The following KCNIP4 variants were observed in gnomAD, a reference collection of about 807,000 sequenced individuals.
KCNIP4 encodes the protein Kv channel-interacting protein 4.
KCNIP4 carries 12 observed loss-of-function variants against 34.0 expected under a neutral mutation model. That is an observed-to-expected ratio of 0.35 (90% CI 0.23 to 0.57). The LOEUF is 0.57. Ranked by LOEUF, KCNIP4 falls within the 20% of genes least tolerant of loss-of-function variation. KCNIP4 has a pLI of 0.83. For synonymous variants in KCNIP4, 124 were observed against 102.2 expected (o/e 1.21, Z -1.29); for missense variants, 238 against 311.7 (o/e 0.76, Z 1.78).
At chr4:21,504,475 A>AAAAAAGAAAGAAAG (rs1264431211) in intron 1 of KCNIP4, among the ~76,000 whole-genome samples, 3 of 101,880 alleles carry the variant, frequency 2.9e-5, no homozygotes, top group Non-Finnish European at 3.9e-5. Flanking sequence ...CAAAAAAAAA[A>AAAAAAGAAAGAAAG]AAAGAAAGAA....
intron 1 of KCNIP4, among the ~76,000 whole-genome samples, chr4:21,329,610 A>G (rs962407758): frequency 6.6e-6 from 1 of 152,294 alleles, no homozygotes; most frequent in East Asian, 1.9e-4. Context: ...TGGAATTCAG[A>G]TAAGGAAAGC....
chr4:21,699,330 A>T (rs569240591), intron 1 of KCNIP4, among the ~76,000 whole-genome samples: 1 of 152,218 alleles, frequency 6.6e-6, no homozygotes, highest in Non-Finnish European at 1.5e-5. Flanking sequence ...GTGCTGGGAA[A>T]ACAGTGGTAA....
intron 1 of KCNIP4, among the ~76,000 whole-genome samples, chr4:20,935,637 A>G (rs1174104460): frequency 6.6e-6 from 1 of 152,206 alleles, no homozygotes; most frequent in Non-Finnish European, 1.5e-5. Context: ...AATATCCTAT[A>G]ATAACTCTCC....
intron 1 of KCNIP4, among the ~76,000 whole-genome samples, chr4:21,640,977 T>C (rs1201882079): frequency 6.6e-6 from 1 of 152,214 alleles, no homozygotes; most frequent in African/African-American, 2.4e-5. Context: ...ACTTTCCTTT[T>C]GAGAAACTGC....
chr4:21,506,359 A>G (rs1307629764), intron 1 of KCNIP4, among the ~76,000 whole-genome samples: 1 of 152,178 alleles, frequency 6.6e-6, no homozygotes, highest in African/African-American at 2.4e-5. Context: ...TTTGTGTGAA[A>G]TGACTAGAAT....
chr4:21,693,753 A>ATTC (rs1711955000), intron 1 of KCNIP4, among the ~76,000 whole-genome samples: 1 of 152,154 alleles, frequency 6.6e-6, no homozygotes, highest in African/African-American at 2.4e-5. Context: ...GGAATGATGA[A>ATTC]TTCTTACCTC....
intron 1 of KCNIP4, among the ~76,000 whole-genome samples, chr4:21,234,884 G>A (rs1182460251): frequency 6.6e-6 from 1 of 151,886 alleles, no homozygotes; most frequent in African/African-American, 2.4e-5. Context: ...CAGACCTCAA[G>A]TGATCCACCC....
rs1261719972 is a variant in KCNIP4 at position 21,297,064 on chromosome 4, A to G, written c.62-414355T>C. 4.0e-5 allele frequency among the ~76,000 whole-genome samples: 6 copies of G among 151,306 alleles called. No homozygotes were observed. The East Asian group carries it at 1.2e-3, about 30-fold the overall frequency. ...CGTGTGTTTGTGTGTGTATAAATAT[A>G]TGAATTTCTGGTAAGTCAAGTGCTA... On this transcript the variant is annotated intron_variant, in intron 1 of 8. Transcript: ENST00000382152.
intron 1 of KCNIP4, among the ~76,000 whole-genome samples, chr4:21,910,326 T>G (rs2108981067): frequency 6.6e-6 from 1 of 152,226 alleles, no homozygotes; most frequent in East Asian, 1.9e-4. Context: ...TAAAACATTT[T>G]TCAAGAAAAA....
intron 1 of KCNIP4, among the ~76,000 whole-genome samples, chr4:21,935,697 C>T (rs979970130): frequency 2.0e-5 from 3 of 152,048 alleles, no homozygotes; most frequent in South Asian, 2.1e-4. Context: ...CCAATCTTTC[C>T]TCTCTCCTGA....
rs140717557 is a variant in KCNIP4 at position 21,353,676 on chromosome 4, T to C, written c.62-470967A>G. Among the ~76,000 whole-genome samples, 770 of 152,280 alleles carry C rather than the reference T, an allele frequency of 5.1e-3. 5 individuals are homozygous for C. Among genetic ancestry groups the C allele is most frequent in the African/African-American group, 0.017 (720 of 41,564 alleles). ...AAAGACCAAATCTACATTTGATTGGTGTACCTGAAAGTGACAAGGAGAATG... is the reference window on the plus strand; with the variant it reads ...AAAGACCAAATCTACATTTGATTGGCGTACCTGAAAGTGACAAGGAGAATG... On this transcript the variant is annotated intron_variant, in intron 1 of 8. Transcript: ENST00000382152.
intron 1 of KCNIP4, among the ~76,000 whole-genome samples, chr4:20,990,705 CTT>C: frequency 6.6e-6 from 1 of 152,250 alleles, no homozygotes; most frequent in Admixed American, 6.5e-5. Flanking sequence ...GCCATAATTT[CTT>C]TTTCCCAGCC....
intron 1 of KCNIP4, among the ~76,000 whole-genome samples, chr4:21,915,388 T>C (rs753368234): frequency 6.6e-6 from 1 of 152,182 alleles, no homozygotes; most frequent in Non-Finnish European, 1.5e-5. Flanking sequence ...TGCAAGATCC[T>C]TTGTCTACAA....
At chr4:21,669,232 C>T (rs552315659) in intron 1 of KCNIP4, among the ~76,000 whole-genome samples, 5 of 148,306 alleles carry the variant, frequency 3.4e-5, no homozygotes, top group Admixed American at 6.7e-5. Flanking sequence ...CTCAGGTGAT[C>T]CTCCTTCCCA....
intron 1 of KCNIP4, among the ~76,000 whole-genome samples, chr4:21,120,681 G>C (rs964573156): frequency 6.6e-6 from 1 of 152,062 alleles, no homozygotes; most frequent in Non-Finnish European, 1.5e-5. Flanking sequence ...AACAGAATGA[G>C]GGAAACCGCC....
chr4:21,709,731 C>G (rs548937401), intron 1 of KCNIP4, among the ~76,000 whole-genome samples: 14 of 152,144 alleles, frequency 9.2e-5, no homozygotes, highest in African/African-American at 3.4e-4. Context: ...ATGTAAACAC[C>G]TAGGAATAGT....
At chr4:21,017,062 T>C (rs1739608165) in intron 1 of KCNIP4, among the ~76,000 whole-genome samples, 1 of 152,234 alleles carries the variant, frequency 6.6e-6, no homozygotes, top group Non-Finnish European at 1.5e-5. Context: ...TTATGTCAAG[T>C]GTTTTCCAAA....
intron 1 of KCNIP4, among the ~76,000 whole-genome samples, chr4:21,641,980 AG>A (rs1746647711): frequency 1.3e-5 from 2 of 152,136 alleles, no homozygotes; most frequent in Admixed American, 6.5e-5. Flanking sequence ...CCATCATGGA[AG>A]GGGGGTAGTG....
intron 1 of KCNIP4, among the ~76,000 whole-genome samples, chr4:21,171,338 T>A (rs1298530712): frequency 6.6e-6 from 1 of 152,116 alleles, no homozygotes; most frequent in African/African-American, 2.4e-5. Context: ...TAAAAGTAGA[T>A]CCTGCAGAAT....
Sources: allele counts gnomAD v4.1 joint callset (sites outside exome capture counted in the v4.1 genomes callset), GRCh38; gene constraint gnomAD v4.1.1; transcripts MANE v1.5; gene names NCBI Gene and HGNC (gene_info 2026-07-23, HGNC 2026-07-21).